Variants in SKAP2 observed in about 807,000 individuals in gnomAD.
SKAP2 encodes the protein src kinase-associated phosphoprotein 2.
A neutral mutation model predicts 54.9 loss-of-function variants in SKAP2; 28 were observed. The ratio of observed to expected loss-of-function variants is 0.51; its 90% CI spans 0.38 to 0.70. The LOEUF is 0.70. Among genes scored for constraint, SKAP2 ranks in the 30% least tolerant of loss-of-function variants. SKAP2 has a pLI of 0.00. For synonymous variants in SKAP2, 137 were observed against 134.3 expected, an observed-to-expected ratio of 1.02 and a Z score of -0.14; for missense variants, 356 against 424.1, an observed-to-expected ratio of 0.84 and a Z score of 1.41.
At chr7:26,783,356 T>C (rs1783466776) in intron 4 of SKAP2, among the ~76,000 whole-genome samples, 1 of 152,090 alleles carries the variant, frequency 6.6e-6, no homozygotes, top group Admixed American at 6.5e-5. Flanking sequence ...TAGGTTGATG[T>C]TTTGGGGAGA....
chr7:26,840,735 A>C (rs1784802744), intron 4 of SKAP2, among the ~76,000 whole-genome samples: 1 of 152,096 alleles, frequency 6.6e-6, no homozygotes, highest in Non-Finnish European at 1.5e-5. Context: ...TAAAGCTAAT[A>C]AAATGAAACT....
At chr7:26,859,128 C>G (rs1232019681) in intron 1 of SKAP2, among the ~76,000 whole-genome samples, 1 of 152,062 alleles carries the variant, frequency 6.6e-6, no homozygotes, top group East Asian at 1.9e-4. Context: ...CACACAGCAC[C>G]CCCATGGCCT....
intron 4 of SKAP2, among the ~76,000 whole-genome samples, chr7:26,799,084 G>A (rs1354804878): frequency 6.7e-6 from 1 of 148,694 alleles, no homozygotes. Context: ...GCAAGGCAAG[G>A]CAGGGCAGGG....
intron 4 of SKAP2, among the ~76,000 whole-genome samples, chr7:26,770,326 G>T (rs1224193001): frequency 6.6e-6 from 1 of 152,146 alleles, no homozygotes; most frequent in Non-Finnish European, 1.5e-5. Context: ...AAGTGTCCCA[G>T]GTCAACTTCA....
chr7:26,728,566 A>G (rs1466282479), intron 6 of SKAP2, among the ~76,000 whole-genome samples: 2 of 152,148 alleles, frequency 1.3e-5, no homozygotes, highest in African/African-American at 4.8e-5. Context: ...AATTCTCAAA[A>G]AAAGACTAAA....
intron 4 of SKAP2, among the ~76,000 whole-genome samples, chr7:26,795,956 A>C (rs1396844763): frequency 6.6e-6 from 1 of 152,208 alleles, no homozygotes; most frequent in Non-Finnish European, 1.5e-5. Context: ...ATATATTGGA[A>C]AATTTTTTAG....
In SKAP2 at chr7:26,712,850, AT is replaced by A. The variant is rs1386841834; in HGVS notation, c.796+12577del. On this transcript the variant is annotated intron_variant, in intron 9 of 12. Coordinates refer to ENST00000345317, the MANE Select transcript of SKAP2 (RefSeq NM_003930.5). ...ACCTCTGTGTAGTGATGTGGAAGGT[AT>A]AAAGTTGTCCAGGGAGAAGGAGTAA... Among the ~76,000 whole-genome samples, 4 of 152,350 alleles carry A rather than the reference AT, an allele frequency of 2.6e-5. No homozygotes were observed. The East Asian group carries it at 7.7e-4, about 29-fold the overall frequency.
intron 4 of SKAP2, among the ~76,000 whole-genome samples, chr7:26,754,482 T>C (rs561207368): frequency 5.9e-5 from 9 of 151,892 alleles, no homozygotes; most frequent in Admixed American, 5.9e-4. Flanking sequence ...TTCATTAATA[T>C]GTTCACTGTG....
intron 4 of SKAP2, among the ~76,000 whole-genome samples, chr7:26,807,267 T>C (rs1784048576): frequency 6.6e-6 from 1 of 152,184 alleles, no homozygotes. Context: ...TGGCTCTGTG[T>C]CTCCACCCAA....
downstream of SKAP2, among the ~76,000 whole-genome samples, chr7:26,666,851 G>A (rs1168469945): frequency 2.0e-5 from 3 of 152,240 alleles, no homozygotes; most frequent in East Asian, 5.8e-4. Context: ...CTAAAGCAAT[G>A]AAAGTCATTT....
At chr7:26,690,162 T>G in intron 10 of SKAP2, 123 bp downstream of exon 10, 1 of 681,204 alleles carries the variant, frequency 1.5e-6, no homozygotes. Flanking sequence ...CCATAAGATA[T>G]CCAAGCCAAA....
Position 26,854,820 on chromosome 7 carries a change from T to C in SKAP2, c.138A>G (p.Glu46=). ...NLSKKAKEKR[E]SLIKKIKDVK... ...CATCTTTTATCTTCTTAATAAGGGA[T>C]TCTCTCTTTTCCTTTGCTTTCTTGG... Residue 46 remains glutamate (E), a synonymous_variant, in exon 2 of 13, where the codon GAA becomes GAG. Coordinates refer to ENST00000345317, the MANE Select transcript of SKAP2 (RefSeq NM_003930.5). 6.2e-7 allele frequency: 1 copy of C among 1,601,842 alleles called. No individual in the cohort carries two copies. Among genetic ancestry groups the C allele is most frequent in the Non-Finnish European group, 8.5e-7 (1 of 1,171,992 alleles).
At chr7:26,769,246 G>A (rs1562603900) in intron 4 of SKAP2, among the ~76,000 whole-genome samples, 2 of 152,006 alleles carry the variant, frequency 1.3e-5, no homozygotes, top group Admixed American at 1.3e-4. Flanking sequence ...TAATCGATTT[G>A]GCTATTGATA....
At chr7:26,658,343 C>A in the SKAP2 span, among the ~76,000 whole-genome samples, 2 of 152,152 alleles carry the variant, frequency 1.3e-5, no homozygotes, top group Admixed American at 1.3e-4. Context: ...AGCTCACTTC[C>A]CCAATGCCTT....
At chr7:26,661,758 A>G in the SKAP2 span, among the ~76,000 whole-genome samples, 28 of 152,212 alleles carry the variant, frequency 1.8e-4, no homozygotes, top group African/African-American at 6.3e-4. Context: ...ATTACAGCCA[A>G]TGCTGAGTAT....
intron 4 of SKAP2, among the ~76,000 whole-genome samples, chr7:26,745,516 T>C (rs923160189): frequency 1.3e-5 from 2 of 152,262 alleles, no homozygotes; most frequent in African/African-American, 4.8e-5. Flanking sequence ...AGCTTCGTTT[T>C]ATCTCTTCTA....
chr7:26,658,924 A>C, the SKAP2 span, among the ~76,000 whole-genome samples: 1 of 152,022 alleles, frequency 6.6e-6, no homozygotes, highest in African/African-American at 2.4e-5. Flanking sequence ...TGTAGAATAC[A>C]AATGAATTAT....
intron 11 of SKAP2, among the ~76,000 whole-genome samples, chr7:26,681,077 A>G (rs13245525): frequency 6.6e-6 from 1 of 152,348 alleles, no homozygotes; most frequent in South Asian, 2.1e-4. Context: ...AAATAAAACT[A>G]TATTTCTGTA....
At chr7:26,755,479 A>T (rs1351210009) in intron 4 of SKAP2, among the ~76,000 whole-genome samples, 3 of 152,212 alleles carry the variant, frequency 2.0e-5, no homozygotes, top group African/African-American at 7.2e-5. Flanking sequence ...AAAAGTGAAC[A>T]GGTCAATAGA....
Sources: gnomAD v4.1 joint callset for allele counts (sites outside exome capture counted in the v4.1 genomes callset) on GRCh38, gnomAD v4.1.1 for gene constraint, MANE v1.5 for transcripts, NCBI Gene and HGNC (gene_info 2026-07-23, HGNC 2026-07-21) for gene names.